Variants in BIN1 observed in about 807,000 individuals in gnomAD.
The protein encoded by BIN1 is bridging integrator 1.
In BIN1, 53 loss-of-function variants were observed where a neutral mutation model predicts 82.0. The observed-to-expected ratio is 0.65, with a 90% confidence interval of 0.52 to 0.81. The LOEUF is 0.81. Ranked by LOEUF, BIN1 falls within the 40% of genes least tolerant of loss-of-function variation. The pLI is 0.00. For synonymous variants in BIN1, 302 were observed against 328.0 expected, an observed-to-expected ratio of 0.92 and a Z score of 0.86; for missense variants, 642 against 784.4, an observed-to-expected ratio of 0.82 and a Z score of 2.17.
chr2:127,088,613 C>A (rs1269985573), intron 1 of BIN1, among the ~76,000 whole-genome samples: 2 of 152,002 alleles, frequency 1.3e-5, no homozygotes, highest in Non-Finnish European at 2.9e-5. Flanking sequence ...TGGTGTGCAC[C>A]TATAGTCCTA....
At chr2:127,103,951 T>C (rs1273098355) in intron 1 of BIN1, among the ~76,000 whole-genome samples, 2 of 152,190 alleles carry the variant, frequency 1.3e-5, no homozygotes, top group Non-Finnish European at 2.9e-5. Context: ...CCAGGAGCAA[T>C]GGTGCCATGC....
chr2:127,070,721 C>T, intron 3 of BIN1, 41 bp downstream of exon 3: 2 of 1,614,086 alleles, frequency 1.2e-6, no homozygotes, highest in Non-Finnish European at 1.7e-6. Context: ...TCTGCACCCA[C>T]CAGCTCTACA....
rs1217682794 is a variant in BIN1, at chr2:127,059,523, T to TCCACAGCAGGAGAAAG, written c.858-384_858-369dup. ...CAGGGCCCATGCTGACAGCCCAAGA[T>TCCACAGCAGGAGAAAG]CCACAGCAGGAGAAAGCCAGACATC... is the stretch of plus-strand genomic sequence containing the variant. On this transcript the variant is annotated intron_variant, in intron 10 of 18. Coordinates refer to ENST00000316724, the MANE Select transcript of BIN1 (RefSeq NM_139343.3). This position sits in a 1 kb window ranked among gnomAD's most constrained non-coding sequence, Gnocchi z 6.7. Among the ~76,000 whole-genome samples, 1 of 151,736 alleles carries TCCACAGCAGGAGAAAG rather than the reference T, an allele frequency of 6.6e-6. No homozygotes were observed. The highest frequency in any genetic ancestry group is 2.4e-5 in the African/African-American group (1 of 41,242).
At chr2:127,066,529 G>A (rs907426900) in intron 7 of BIN1, among the ~76,000 whole-genome samples, 2 of 152,164 alleles carry the variant, frequency 1.3e-5, no homozygotes, top group Admixed American at 6.5e-5. Context: ...CGGGCCCTCC[G>A]TCAGTAGTCC....
chr2:127,072,016 C>G (rs985159294), intron 2 of BIN1, among the ~76,000 whole-genome samples: 5 of 152,160 alleles, frequency 3.3e-5, no homozygotes, highest in Non-Finnish European at 7.4e-5. Flanking sequence ...CTCCTGGCCT[C>G]CCCTGCCTGC....
intron 1 of BIN1, among the ~76,000 whole-genome samples, chr2:127,091,810 T>C (rs564888113): frequency 2.6e-5 from 4 of 152,070 alleles, no homozygotes; most frequent in African/African-American, 9.6e-5. Context: ...AGCAGGAGAA[T>C]CGCTTGAGCC....
intron 2 of BIN1, among the ~76,000 whole-genome samples, chr2:127,076,372 C>T (rs1686614546): frequency 6.8e-6 from 1 of 147,126 alleles, no homozygotes; most frequent in South Asian, 2.2e-4. Context: ...CTATCCCACC[C>T]TCCCCCTCCC....
At chr2:127,051,687 A>C (rs1019341470) in intron 15 of BIN1, among the ~76,000 whole-genome samples, 1 of 152,228 alleles carries the variant, frequency 6.6e-6, no homozygotes, top group East Asian at 1.9e-4. Context: ...CAGCCTGAGC[A>C]CAACCCAGCG....
chr2:127,076,792 A>G, intron 1 of BIN1, 86 bp from the exon 2 acceptor site: 14 of 1,487,880 alleles, frequency 9.4e-6, no homozygotes, highest in Non-Finnish European at 1.2e-5. Context: ...AACAGCACAG[A>G]CCAGGGGCTG....
chr2:127,102,348 G>A (rs987574299), intron 1 of BIN1, among the ~76,000 whole-genome samples: 6 of 152,222 alleles, frequency 3.9e-5, no homozygotes, highest in African/African-American at 1.4e-4. Flanking sequence ...TGGTGATCTT[G>A]AAGAGGGCGC....
rs751051376 is a variant in BIN1, at chr2:127,051,221, G to A, written c.1394C>T (p.Ala465Val). The A allele has an allele frequency of 1.2e-5, 19 of 1,613,618 alleles. No individual in the cohort carries two copies. Among genetic ancestry groups the A allele is most frequent in the Non-Finnish European group, 1.4e-5 (17 of 1,179,948 alleles). ...TCCAGCCGCAGGTTGGGTCCCACCCGCCACCTCCGAGGCCTCTGCTGGCTG... is the reference window on the plus strand; with the variant it reads ...TCCAGCCGCAGGTTGGGTCCCACCCACCACCTCCGAGGCCTCTGCTGGCTG... ...PAQPAEASEVAGGTQPAAGAQ... is the reference protein window; with the variant it reads ...PAQPAEASEVVGGTQPAAGAQ... The change falls in exon 16 of 19, where the codon GCG (alanine) becomes GTG (valine). Residue 465 changes from alanine to valine, a missense_variant. Ala to Val is a moderately conservative substitution (Grantham distance 64, BLOSUM62 0). Transcript: ENST00000316724.
At chr2:127,050,071 A>G (rs1187935447) in intron 18 of BIN1, among the ~76,000 whole-genome samples, 1 of 152,226 alleles carries the variant, frequency 6.6e-6, no homozygotes, top group Non-Finnish European at 1.5e-5. Flanking sequence ...GGAGGGAGGC[A>G]GGCCTCAGGC....
chr2:127,071,784 G>A (rs1010818770), intron 2 of BIN1, among the ~76,000 whole-genome samples: 2 of 152,202 alleles, frequency 1.3e-5, no homozygotes, highest in Non-Finnish European at 2.9e-5. Flanking sequence ...ACAGCCCTAA[G>A]TAAGCTAGTG....
chr2:127,087,330 C>T (rs550989948), intron 1 of BIN1, among the ~76,000 whole-genome samples: 8 of 152,342 alleles, frequency 5.3e-5, no homozygotes, highest in Admixed American at 6.5e-5. Context: ...GGAAGGCTCC[C>T]GCCCCAGAGA....
At chr2:127,061,338 C>T (rs1378673820) in intron 10 of BIN1, among the ~76,000 whole-genome samples, 1 of 152,158 alleles carries the variant, frequency 6.6e-6, no homozygotes, top group Non-Finnish European at 1.5e-5. Context: ...CACCACCACC[C>T]GATACCCTCA....
At chr2:127,081,804 G>A (rs1687323770) in intron 1 of BIN1, 2 of 1,286,830 alleles carry the variant, frequency 1.6e-6, no homozygotes, top group African/African-American at 1.5e-5. Flanking sequence ...CAGCTGCTGA[G>A]ACCCCAGAAA....
intron 16 of BIN1, 119 bp from the exon 17 acceptor site, chr2:127,051,031 C>G: frequency 6.6e-7 from 1 of 1,505,182 alleles, no homozygotes; most frequent in Non-Finnish European, 9.2e-7. Context: ...CAGACCGGCC[C>G]GCCTCCAGCT....
intron 1 of BIN1, among the ~76,000 whole-genome samples, chr2:127,085,791 C>T (rs951901575): frequency 1.2e-4 from 19 of 152,198 alleles, no homozygotes; most frequent in Non-Finnish European, 2.2e-4. Context: ...TTCCCTAGCT[C>T]CTCTGTGCCC....
Position 127,057,429 on chromosome 2 carries a change from G to A in BIN1, c.1131+44C>T. On this transcript the variant is annotated intron_variant, in intron 12 of 18. Transcript: ENST00000316724. This position sits in a 1 kb window ranked among gnomAD's most constrained non-coding sequence, Gnocchi z 5.0. ...GATGAAGGCCATGCACGCCCTGAGA[G>A]GGCAGGAAGAGAGGAGAGCTGGGCC... The A allele has an allele frequency of 6.6e-7, 1 of 1,525,782 alleles. No homozygotes were observed. 94.5% of individuals were successfully genotyped at this position (1,525,782 alleles called of 1,614,324 possible). A position where few individuals can be genotyped will look rare whatever the true frequency, so the allele number is the denominator to read the frequency against.
Sources: gnomAD v4.1 joint callset for allele counts (sites outside exome capture counted in the v4.1 genomes callset) on GRCh38, gnomAD v4.1.1 for gene constraint, Gnocchi (gnomAD v3.1) non-coding constraint, MANE v1.5 for transcripts, NCBI Gene and HGNC (gene_info 2026-07-23, HGNC 2026-07-21) for gene names.